Variants in MICAL2 observed in about 807,000 individuals in gnomAD.
MICAL2 encodes the protein [F-actin]-monooxygenase MICAL2.
Under a neutral mutation model 127.3 loss-of-function variants are expected in MICAL2, and 77 were observed. That is an observed-to-expected ratio of 0.60 (90% CI 0.50 to 0.73). MICAL2 has a LOEUF of 0.73. MICAL2 is among the 30% of genes least tolerant of loss of function. MICAL2 has a pLI of 0.00. For missense variants in MICAL2, 1,351 were observed against 1,434.4 expected (o/e 0.94, Z 0.94); for synonymous variants, 570 against 551.1 (o/e 1.03, Z -0.48).
intron 29 of MICAL2, among the ~76,000 whole-genome samples, chr11:12,316,769 A>G (rs1214709429): frequency 6.6e-6 from 1 of 152,208 alleles, no homozygotes; most frequent in Non-Finnish European, 1.5e-5. Flanking sequence ...TAATTAAGGA[A>G]TTAAATAGGC....
At chr11:12,359,476 G>A (rs1939178438), downstream of MICAL2, among the ~76,000 whole-genome samples, 1 of 152,168 alleles carries the variant, frequency 6.6e-6, no homozygotes. Flanking sequence ...CTCAAAGAGA[G>A]AAGTATCTCT....
intron 21 of MICAL2, among the ~76,000 whole-genome samples, chr11:12,245,481 G>T (rs1860610852): frequency 6.6e-6 from 1 of 152,226 alleles, no homozygotes; most frequent in Non-Finnish European, 1.5e-5. Flanking sequence ...CCCTAAGAAA[G>T]GAGCAAGGAA....
intron 6 of MICAL2, among the ~76,000 whole-genome samples, chr11:12,211,643 G>C (rs1037852156): frequency 1.3e-5 from 2 of 152,192 alleles, no homozygotes; most frequent in African/African-American, 4.8e-5. Context: ...CTAGGAGGGA[G>C]ACACACTGTT....
intron 3 of MICAL2, among the ~76,000 whole-genome samples, chr11:12,166,681 CTGA>C (rs1855541375): frequency 1.3e-5 from 2 of 152,136 alleles, no homozygotes; most frequent in South Asian, 4.1e-4. Context: ...GTCTAGCATT[CTGA>C]TAAGTGATCA....
chr11:12,177,594 G>T (rs1293094634), intron 3 of MICAL2, among the ~76,000 whole-genome samples: 1 of 152,120 alleles, frequency 6.6e-6, no homozygotes, highest in Non-Finnish European at 1.5e-5. Flanking sequence ...TGAAGCTTTT[G>T]CCCTACATTT....
chr11:12,283,343 TAA>T (rs56832587), intron 2 of MICAL2, among the ~76,000 whole-genome samples: 12,395 of 132,466 alleles, frequency 0.094, 985 homozygotes, highest in African/African-American at 0.23. Context: ...GTGTGGAGTT[TAA>T]AAAAAAAAAA....
downstream of MICAL2, among the ~76,000 whole-genome samples, chr11:12,264,907 G>C (rs77255734): frequency 0.011 from 1,667 of 152,316 alleles, 16 homozygotes; most frequent in Admixed American, 0.016. Context: ...GCACCTTAGA[G>C]ATGTGGCTCA....
chr11:12,205,777 G>A (rs1460829471), intron 4 of MICAL2, among the ~76,000 whole-genome samples: 3 of 152,200 alleles, frequency 2.0e-5, no homozygotes, highest in Admixed American at 6.5e-5. Flanking sequence ...CTAGCACATA[G>A]TAAGTGCCCA....
chr11:12,125,104 C>A (rs867093994), intron 1 of MICAL2, among the ~76,000 whole-genome samples: 1 of 152,230 alleles, frequency 6.6e-6, no homozygotes, highest in African/African-American at 2.4e-5. Context: ...TCAGCCCCAC[C>A]CGCCAGAGCT....
chr11:12,241,236 G>C (rs1859902279), intron 18 of MICAL2, 74 bp downstream of exon 18: 1 of 1,534,608 alleles, frequency 6.5e-7, no homozygotes, highest in African/African-American at 1.4e-5. Flanking sequence ...GGGGTCAGTG[G>C]CTCTTCCCAC....
intron 32 of MICAL2, among the ~76,000 whole-genome samples, chr11:12,330,829 C>CAGAGAGAGAGAGAGAG (rs1381650434): frequency 5.5e-4 from 38 of 69,246 alleles, no homozygotes; most frequent in African/African-American, 1.4e-3. Context: ...GAGGGAGAGA[C>CAGAGAGAGAGAGAGAG]AGACAGAGAG....
At chr11:12,252,190 G>C in intron 22 of MICAL2, among the ~76,000 whole-genome samples, 1 of 152,342 alleles carries the variant, frequency 6.6e-6, no homozygotes, top group African/African-American at 2.4e-5. Context: ...TGGAACATCA[G>C]GCAAACAATG....
chr11:12,207,975 G>A (rs180982536), intron 4 of MICAL2, 48 bp from the exon 5 acceptor site: 64 of 1,367,646 alleles, frequency 4.7e-5, no homozygotes, highest in South Asian at 2.3e-5. Context: ...CATATAGGTG[G>A]TGTTCAGGTA....
intron 3 of MICAL2, among the ~76,000 whole-genome samples, chr11:12,192,296 G>T (rs1003128499): frequency 6.6e-6 from 1 of 152,190 alleles, no homozygotes; most frequent in Non-Finnish European, 1.5e-5. Flanking sequence ...AGCCTCCTGG[G>T]CACCCAGGCT....
rs79530447 is a variant in MICAL2 at position 12,208,329 on chromosome 11, A to G, written c.589+190A>G. The G allele has an allele frequency of 3.7e-3, 1,962 of 532,286 alleles. 30 individuals are homozygous for G. Among genetic ancestry groups the G allele is most frequent in the African/African-American group, 0.033 (1,747 of 52,264 alleles). The allele number at this position is 532,286 out of a possible 1,614,324, so 33.0% of individuals were successfully genotyped here. ...ACTTTAGGTTTGCTGTTTGGCTCCA[A>G]GGGGATTTATGATTAAGCCATTAAA... On this transcript the variant is annotated intron_variant, in intron 5 of 27. Coordinates refer to ENST00000683283, the MANE Select transcript of MICAL2 (RefSeq NM_001282663.2).
At chr11:12,178,598 A>C (rs979883807) in intron 3 of MICAL2, among the ~76,000 whole-genome samples, 1 of 152,186 alleles carries the variant, frequency 6.6e-6, no homozygotes, top group African/African-American at 2.4e-5. Context: ...AGTTAAGAAA[A>C]AAGGGGTTGT....
chr11:12,250,687 T>C lies in MICAL2; in HGVS notation c.2847+1441T>C, dbSNP rs1861420922. Among the ~76,000 whole-genome samples, 3 of 152,196 alleles carry C rather than the reference T, an allele frequency of 2.0e-5. No homozygotes were observed. The South Asian group carries it at 6.2e-4, about 32-fold the overall frequency. ...AATTACAAGAATATTGAGAGATATT[T>C]AAAGGGTTGCAAAAGCAGTCCCATG... is the stretch of plus-strand genomic sequence containing the variant. On this transcript the variant is annotated intron_variant, in intron 22 of 27. Coordinates refer to ENST00000683283, the MANE Select transcript of MICAL2 (RefSeq NM_001282663.2).
rs373393131 is a variant in MICAL2, at chr11:12,220,392, G to A, written c.1140G>A (p.Ala380=). ...CCTGCATGTATGCCTCAGAGAACGC[G>A]GCCCTGGTGCGGGAGCGGCAGGCGC... ...DFTCMYASEN[A]ALVRERQAHQ... Residue 380 remains alanine, a synonymous_variant, in exon 9 of 28, where the codon GCG becomes GCA. Coordinates refer to ENST00000683283, the MANE Select transcript of MICAL2 (RefSeq NM_001282663.2). 2.5e-5 allele frequency: 41 copies of A among 1,613,922 alleles called. No homozygotes were observed. Among genetic ancestry groups the A allele is most frequent in the Non-Finnish European group, 3.1e-5 (36 of 1,180,054 alleles).
In MICAL2 at chr11:12,351,094, T is replaced by C. The variant is rs543700883; in HGVS notation, c.5615+1157T>C. On this transcript the variant is annotated intron_variant, in intron 33 of 34. Coordinates refer to the MICAL2 transcript ENST00000646065. The stretch of plus-strand genomic sequence containing the variant: ...TAGGACCCACTGAGATAATCCAGAA[T>C]GTTCTTATCTTAAGATCCTTAACTT... 4.6e-5 allele frequency among the ~76,000 whole-genome samples: 7 copies of C among 152,326 alleles called. No homozygotes were observed. The South Asian group carries it at 1.5e-3, about 32-fold the overall frequency.
Sources: gnomAD v4.1 joint callset for allele counts (sites outside exome capture counted in the v4.1 genomes callset) on GRCh38, gnomAD v4.1.1 for gene constraint, MANE v1.5 for transcripts, NCBI Gene and HGNC (gene_info 2026-07-23, HGNC 2026-07-21) for gene names.